CDH11: variants seen among roughly 807,000 people sequenced by gnomAD.
The protein encoded by CDH11 is cadherin-11.
A neutral mutation model predicts 67.8 loss-of-function variants in CDH11; 11 were observed. That is an observed-to-expected ratio of 0.16 (90% CI 0.10 to 0.27). CDH11 has a LOEUF of 0.27. CDH11 is among the 10% of genes least tolerant of loss of function. The pLI, the probability that CDH11 is intolerant of heterozygous loss-of-function variation, is 1.00. For synonymous variants in CDH11, 419 were observed against 400.0 expected (o/e 1.05, Z -0.57); for missense variants, 847 against 1,031.2 (o/e 0.82, Z 2.45).
chr16:64,988,435 G>T, intron 6 of CDH11, 91 bp from the exon 7 acceptor site: 3 of 1,222,918 alleles, frequency 2.5e-6, no homozygotes, highest in African/African-American at 1.5e-5. Flanking sequence ...ATTTCTCAAA[G>T]GATTTGAAAT....
intron 1 of CDH11, among the ~76,000 whole-genome samples, chr16:65,057,120 G>C (rs1302284653): frequency 6.6e-6 from 1 of 152,222 alleles, no homozygotes; most frequent in Non-Finnish European, 1.5e-5. Flanking sequence ...TAAGATGGCT[G>C]TGCGGGCTAT....
chr16:65,073,810 G>A (rs536515132), intron 1 of CDH11, among the ~76,000 whole-genome samples: 2 of 152,220 alleles, frequency 1.3e-5, no homozygotes, highest in South Asian at 2.1e-4. Context: ...AAAGGGATGA[G>A]GTCCAGGTCC....
At chr16:65,087,207 C>A (rs2074716558) in intron 1 of CDH11, among the ~76,000 whole-genome samples, 1 of 152,156 alleles carries the variant, frequency 6.6e-6, no homozygotes, top group African/African-American at 2.4e-5. Context: ...AGAGCCTGAG[C>A]AATTTCAACA....
chr16:64,947,244 C>G lies in CDH11; in HGVS notation c.*359G>C. On this transcript the variant is annotated 3_prime_UTR_variant, in exon 13 of 13. Transcript: ENST00000268603. ...GTTGTCCTTTCTAATTTTGTGGAAG[C>G]TTCTTTGACAACTTAAAAAAGAAGA... 1 of 1,104,124 alleles carries G rather than the reference C, an allele frequency of 9.1e-7. No homozygotes were observed. The highest frequency in any genetic ancestry group is 1.1e-6 in the Non-Finnish European group (1 of 902,244). The allele number at this position is 1,104,124 out of a possible 1,614,324, so 68.4% of individuals were successfully genotyped here.
At chr16:64,992,590 G>A (rs1343764915) in intron 5 of CDH11, among the ~76,000 whole-genome samples, 8 of 152,192 alleles carry the variant, frequency 5.3e-5, no homozygotes, top group Non-Finnish European at 2.9e-5. Flanking sequence ...TGTAGATATG[G>A]CAACAGTTAT....
At chr16:65,097,152 G>A (rs1054083825) in intron 1 of CDH11, among the ~76,000 whole-genome samples, 3 of 152,108 alleles carry the variant, frequency 2.0e-5, no homozygotes, top group Non-Finnish European at 2.9e-5. Flanking sequence ...ACTCATTTCA[G>A]CTATTGGGAA....
intron 3 of CDH11, among the ~76,000 whole-genome samples, chr16:65,000,979 C>T (rs769972897): frequency 6.6e-6 from 1 of 151,544 alleles, no homozygotes; most frequent in African/African-American, 2.4e-5. Context: ...GAGACTAAGG[C>T]CTAGAGACCT....
chr16:64,984,399 C>T (rs2072432487), intron 7 of CDH11, among the ~76,000 whole-genome samples: 1 of 152,198 alleles, frequency 6.6e-6, no homozygotes, highest in Admixed American at 6.5e-5. Context: ...AACATTTAGA[C>T]ATTTGCCTAC....
intron 1 of CDH11, among the ~76,000 whole-genome samples, chr16:65,066,750 T>C (rs1296473561): frequency 1.3e-5 from 2 of 152,240 alleles, no homozygotes; most frequent in Non-Finnish European, 2.9e-5. Flanking sequence ...TTCCCAACTG[T>C]CTGCCTGCTC....
At chr16:64,961,454 T>G (rs1014781815) in intron 11 of CDH11, among the ~76,000 whole-genome samples, 1 of 152,158 alleles carries the variant, frequency 6.6e-6, no homozygotes, top group African/African-American at 2.4e-5. Context: ...CTTGTAGCCC[T>G]GGGGTTCTGA....
intron 1 of CDH11, among the ~76,000 whole-genome samples, chr16:65,068,329 C>T (rs4967885): frequency 0.39 from 57,391 of 147,644 alleles, 11,371 homozygotes; most frequent in Middle Eastern, 0.48. Context: ...GAGGCAGTGT[C>T]TTAAACAAAG....
chr16:65,022,161 T>A (rs569598457), intron 2 of CDH11, among the ~76,000 whole-genome samples: 70 of 152,136 alleles, frequency 4.6e-4, no homozygotes, highest in African/African-American at 1.6e-3. Context: ...GGGACAGATA[T>A]AAATCTGAGA....
intron 1 of CDH11, among the ~76,000 whole-genome samples, chr16:65,085,543 C>G (rs573229696): frequency 1.3e-5 from 2 of 152,152 alleles, no homozygotes; most frequent in African/African-American, 4.8e-5. Context: ...GTACTTAACA[C>G]GTGTCAAAAT....
chr16:65,001,879 A>G (rs1252907582), intron 3 of CDH11, among the ~76,000 whole-genome samples: 2 of 152,064 alleles, frequency 1.3e-5, no homozygotes, highest in African/African-American at 4.8e-5. Context: ...TACGCAGCCA[A>G]TTCCTAACTC....
chr16:64,971,741 C>T (rs750909050), intron 10 of CDH11, 45 bp from the exon 11 acceptor site: 14 of 1,450,338 alleles, frequency 9.7e-6, no homozygotes, highest in Middle Eastern at 1.7e-4. Flanking sequence ...CTGACATTGG[C>T]ACATCATTTA....
At chr16:65,015,312 A>G (rs2073279657) in intron 2 of CDH11, among the ~76,000 whole-genome samples, 1 of 152,044 alleles carries the variant, frequency 6.6e-6, no homozygotes, top group Admixed American at 6.6e-5. Flanking sequence ...TTGCTGTATT[A>G]TTAAATTCTA....
chr16:65,004,710 C>T lies in CDH11; in HGVS notation c.160G>A (p.Gly54Ser). ...EGQVLQRSKR[G>S]WVWNQFFVIE... The stretch of plus-strand genomic sequence containing the variant: ...ACGAAGAACTGGTTCCAGACCCAGC[C>T]ACGCTTGGAGCGCTGTAGCACCTGC... The change falls in exon 3 of 13, where the codon GGC (glycine) becomes AGC (serine). Residue 54 changes from glycine (G) to serine (S), a missense_variant. Physicochemically the swap from Gly to Ser is moderately conservative, Grantham distance 56. Around this residue, in one of 2 missense-constraint regions of CDH11, gnomAD observed 235 missense variants for 352.5 expected, o/e 0.67. Transcript: ENST00000268603. 1 of 1,613,984 alleles carries T rather than the reference C, an allele frequency of 6.2e-7. No individual in the cohort carries two copies. The highest frequency in any genetic ancestry group is 8.5e-7 in the Non-Finnish European group (1 of 1,180,028).
At chr16:65,071,822 A>G (rs2074422443) in intron 1 of CDH11, among the ~76,000 whole-genome samples, 1 of 152,192 alleles carries the variant, frequency 6.6e-6, no homozygotes. Flanking sequence ...GAAAGTACAG[A>G]AAGAGCAAAG....
intron 1 of CDH11, among the ~76,000 whole-genome samples, chr16:65,081,848 C>T (rs2074616563): frequency 6.6e-6 from 1 of 152,136 alleles, no homozygotes; most frequent in South Asian, 2.1e-4. Context: ...TTGTTGGAAA[C>T]ATAGATGTGA....
Sources: gnomAD v4.1 joint callset for allele counts (sites outside exome capture counted in the v4.1 genomes callset) on GRCh38, gnomAD v4.1.1 for gene constraint, gnomAD v4.1.1 regional missense constraint, MANE v1.5 for transcripts, NCBI Gene and HGNC (gene_info 2026-07-23, HGNC 2026-07-21) for gene names.